Variants in GRIA3 observed in about 807,000 individuals in gnomAD.
GRIA3 encodes glutamate ionotropic receptor AMPA type subunit 3, also known as glutamate receptor 3.
In GRIA3, 3 loss-of-function variants were observed where a neutral mutation model predicts 63.0. That is an observed-to-expected ratio of 0.05 (90% confidence interval 0.02 to 0.12). The LOEUF (loss-of-function observed/expected upper bound fraction) is 0.12, where lower values mean the gene tolerates loss of function less well. Ranked by LOEUF, GRIA3 falls within the 10% of genes least tolerant of loss-of-function variation. GRIA3 has a pLI of 1.00. For synonymous variants in GRIA3, 274 were observed against 257.9 expected (o/e 1.06, Z -0.60); for missense variants, 347 against 700.9 (o/e 0.50, Z 5.70).
chrX:123,317,226 T>C (rs1603089155), intron 3 of GRIA3, among the ~76,000 whole-genome samples: 1 of 111,224 alleles, frequency 9.0e-6, no homozygotes, highest in Non-Finnish European at 1.9e-5. Context: ...CACAGGGAAA[T>C]TCTAGGAGAT....
intron 10 of GRIA3, among the ~76,000 whole-genome samples, chrX:123,407,982 G>C (rs1268099600): frequency 9.0e-6 from 1 of 110,774 alleles, no homozygotes; most frequent in Non-Finnish European, 1.9e-5. Context: ...TTATTTTTGA[G>C]ACAGAGTCTT....
chrX:123,431,320 A>T (rs1265768551), intron 12 of GRIA3, among the ~76,000 whole-genome samples: 1 of 112,005 alleles, frequency 8.9e-6, no homozygotes, highest in South Asian at 3.7e-4. Flanking sequence ...CATTAAAATG[A>T]TGGTATTTTT....
intron 6 of GRIA3, among the ~76,000 whole-genome samples, chrX:123,396,236 G>A (rs615182): frequency 0.11 from 5,328 of 47,854 alleles, 410 homozygotes; most frequent in African/African-American, 0.25. Flanking sequence ...TAATAATAAT[G>A]ATGATAAGGG....
intron 12 of GRIA3, among the ~76,000 whole-genome samples, chrX:123,454,221 G>A (rs2045749866): frequency 9.0e-6 from 1 of 110,853 alleles, no homozygotes; most frequent in African/African-American, 3.3e-5. Flanking sequence ...TACTGTTTGA[G>A]AGCAGACTCT....
At chrX:123,280,145 A>G (rs1172624633) in intron 3 of GRIA3, among the ~76,000 whole-genome samples, 2 of 111,776 alleles carry the variant, frequency 1.8e-5, no homozygotes, top group Admixed American at 9.5e-5. Flanking sequence ...ACAAATGAAT[A>G]TCATAGCTCC....
At chrX:123,362,660 G>C (rs1377484614) in intron 5 of GRIA3, among the ~76,000 whole-genome samples, 2 of 109,472 alleles carry the variant, frequency 1.8e-5, no homozygotes, top group East Asian at 5.7e-4. Context: ...TTAAAAATCC[G>C]TGTCAAATGG....
intron 3 of GRIA3, among the ~76,000 whole-genome samples, chrX:123,297,414 T>A (rs2044692010): frequency 8.9e-6 from 1 of 112,122 alleles, no homozygotes; most frequent in Non-Finnish European, 1.9e-5. Flanking sequence ...TACATTGCAG[T>A]AATGCAATCA....
At chrX:123,323,389 T>C (rs2044880766) in intron 3 of GRIA3, among the ~76,000 whole-genome samples, 1 of 112,354 alleles carries the variant, frequency 8.9e-6, no homozygotes, top group Non-Finnish European at 1.9e-5. Context: ...AACAATAGCA[T>C]AGTATTCTAT....
chrX:123,253,799 A>T (rs2044404150), intron 3 of GRIA3: 2 of 329,335 alleles, frequency 6.1e-6, no homozygotes, highest in Non-Finnish European at 1.0e-5. Context: ...ATAGTTGAAA[A>T]AGAACGCCTC....
chrX:123,430,400 C>T (rs1408046764), intron 12 of GRIA3, among the ~76,000 whole-genome samples: 1 of 111,416 alleles, frequency 9.0e-6, no homozygotes, highest in Non-Finnish European at 1.9e-5. Flanking sequence ...GGGCAGCACA[C>T]GAATGTTGAT....
At chrX:123,184,733 T>G in intron 1 of GRIA3, 89 bp downstream of exon 1, 1 of 481,590 alleles carries the variant, frequency 2.1e-6, no homozygotes, top group Non-Finnish European at 3.5e-6. Context: ...TGGGTCCCTG[T>G]CCTGCGTGGC....
chrX:123,253,618 T>C, intron 3 of GRIA3, 76 bp downstream of exon 3: 2 of 828,064 alleles, frequency 2.4e-6, no homozygotes, highest in Non-Finnish European at 1.8e-6. Flanking sequence ...ATGTGCCCTT[T>C]GCTTCCAATA....
chrX:123,225,250 A>G lies in GRIA3; in HGVS notation c.269-28053A>G, dbSNP rs543498449. On this transcript the variant is annotated intron_variant, in intron 2 of 15. Coordinates refer to ENST00000620443, the MANE Select transcript of GRIA3 (RefSeq NM_007325.5). ...AAGTAAATGAGATAATGCATACAAAACACCTATAGTGCCTGACACATAATA... is the reference window on the plus strand; with the variant it reads ...AAGTAAATGAGATAATGCATACAAAGCACCTATAGTGCCTGACACATAATA... 2.0e-4 allele frequency among the ~76,000 whole-genome samples: 22 copies of G among 112,020 alleles called. No individual in the cohort carries two copies. In the South Asian group the frequency reaches 4.8e-3, roughly 24 times the overall value.
In GRIA3 at chrX:123,289,145, C is replaced by G. The variant is rs772140572; in HGVS notation, c.508+35603C>G. Among the ~76,000 whole-genome samples the G allele has an allele frequency of 2.7e-5, 3 of 111,273 alleles. No homozygotes were observed. The South Asian group carries it at 1.1e-3, about 42-fold the overall frequency. On this transcript the variant is annotated intron_variant, in intron 3 of 15. Coordinates refer to ENST00000620443, the MANE Select transcript of GRIA3 (RefSeq NM_007325.5). ...GGACAAGGATGAAGCTGGAAACCAT[C>G]ATTCTCAGCAAACTGATGCAGGAAC...
At chrX:123,374,627 G>A (rs1381279579) in intron 5 of GRIA3, among the ~76,000 whole-genome samples, 1 of 111,686 alleles carries the variant, frequency 9.0e-6, no homozygotes, top group African/African-American at 3.3e-5. Flanking sequence ...AATTGTGAAT[G>A]GGAGTTCACT....
Position 123,407,699 on chromosome X carries a change from G to GA in GRIA3, c.1500+2785_1500+2786insA, listed in dbSNP as rs1213404393. Among the ~76,000 whole-genome samples the GA allele has an allele frequency of 2.4e-5, 2 of 84,236 alleles. 1 individual carries two copies. Among genetic ancestry groups the GA allele is most frequent in the African/African-American group, 8.5e-5 (2 of 23,600 alleles). The allele number at this position is 84,236 out of a possible 115,157, so 73.1% of individuals were successfully genotyped here. A position where few individuals can be genotyped will look rare whatever the true frequency, so the allele number is the denominator to read the frequency against. On this transcript the variant is annotated intron_variant, in intron 10 of 15. Coordinates refer to ENST00000620443, the MANE Select transcript of GRIA3 (RefSeq NM_007325.5). ...AACATATGACTTGGTTGCGGGGGGG[G>GA]GGGGGACGTGGGGACACAAATATTC...
chrX:123,328,798 C>T (rs188307223), intron 4 of GRIA3, among the ~76,000 whole-genome samples: 1 of 112,181 alleles, frequency 8.9e-6, no homozygotes, highest in Non-Finnish European at 1.9e-5. Flanking sequence ...TTAAAGTACA[C>T]ATTTTCTCAA....
chrX:123,442,915 A>G (rs1392291464), intron 12 of GRIA3, among the ~76,000 whole-genome samples: 3 of 109,267 alleles, frequency 2.7e-5, no homozygotes, highest in Non-Finnish European at 5.7e-5. Context: ...GCCTGAGTAG[A>G]AGTAGCTGGG....
At chrX:123,427,554 T>TA (rs2045596401) in intron 11 of GRIA3, among the ~76,000 whole-genome samples, 1 of 111,389 alleles carries the variant, frequency 9.0e-6, no homozygotes, top group Non-Finnish European at 1.9e-5. Flanking sequence ...TTCCTGTAAT[T>TA]AAAAGGAAAA....
Sources: allele counts gnomAD v4.1 joint callset (sites outside exome capture counted in the v4.1 genomes callset), GRCh38; gene constraint gnomAD v4.1.1; transcripts MANE v1.5; gene names NCBI Gene and HGNC (gene_info 2026-07-23, HGNC 2026-07-21).